The following SCHIP1 variants were observed in gnomAD, a reference collection of about 807,000 sequenced individuals.
SCHIP1 encodes schwannomin-interacting protein 1.
Under a neutral mutation model 29.7 loss-of-function variants are expected in SCHIP1, and 8 were observed. The observed-to-expected ratio is 0.27, with a 90% CI of 0.16 to 0.49. The LOEUF (loss-of-function observed/expected upper bound fraction) is 0.49, where lower values mean the gene tolerates loss of function less well. Among genes scored for constraint, SCHIP1 ranks in the 20% least tolerant of loss-of-function variants. The probability of loss-of-function intolerance (pLI) is 0.99; values close to 1 mark genes in which losing one functional copy is unlikely to be tolerated. For synonymous variants in SCHIP1, 76 were observed against 94.9 expected (o/e 0.80, Z 1.16); for missense variants, 193 against 294.6 (o/e 0.66, Z 2.52).
the SCHIP1 span, among the ~76,000 whole-genome samples, chr3:159,349,826 G>A: frequency 6.6e-6 from 1 of 152,286 alleles, no homozygotes; most frequent in South Asian, 2.1e-4. Context: ...AAAGATGATA[G>A]TCAAAATTCC....
At chr3:159,302,534 T>C in the SCHIP1 span, among the ~76,000 whole-genome samples, 1 of 152,228 alleles carries the variant, frequency 6.6e-6, no homozygotes, top group Non-Finnish European at 1.5e-5. Context: ...GGGTATGTTA[T>C]CTGTCCAAAA....
the SCHIP1 span, among the ~76,000 whole-genome samples, chr3:159,462,127 T>C: frequency 6.6e-6 from 1 of 151,978 alleles, no homozygotes; most frequent in Non-Finnish European, 1.5e-5. Flanking sequence ...GGAAAATCAC[T>C]TGAATCCAGG....
the SCHIP1 span, among the ~76,000 whole-genome samples, chr3:159,822,371 T>TA: frequency 6.6e-6 from 1 of 151,944 alleles, no homozygotes; most frequent in Non-Finnish European, 1.5e-5. Flanking sequence ...GTATAAGGCC[T>TA]AGTGCAATGG....
At chr3:159,737,367 C>A in the SCHIP1 span, among the ~76,000 whole-genome samples, 37 of 152,274 alleles carry the variant, frequency 2.4e-4, no homozygotes, top group Non-Finnish European at 1.0e-4. Flanking sequence ...TAGGTCTCGA[C>A]TGGGGCCGGA....
the SCHIP1 span, among the ~76,000 whole-genome samples, chr3:159,667,659 G>A: frequency 6.6e-6 from 1 of 152,120 alleles, no homozygotes; most frequent in Non-Finnish European, 1.5e-5. Flanking sequence ...CAAGAAGTAG[G>A]CACAAAGCCA....
the SCHIP1 span, chr3:159,765,164 C>T: frequency 2.6e-6 from 4 of 1,539,200 alleles, no homozygotes; most frequent in South Asian, 1.2e-5. Context: ...TGCGTGCCCA[C>T]GCGCGCACAC....
the SCHIP1 span, among the ~76,000 whole-genome samples, chr3:159,323,436 G>A: frequency 6.6e-6 from 1 of 152,106 alleles, no homozygotes; most frequent in Non-Finnish European, 1.5e-5. Context: ...TTTAGAATTT[G>A]TGGGTTTTTT....
chr3:159,597,187 T>C, the SCHIP1 span, among the ~76,000 whole-genome samples: 12 of 152,214 alleles, frequency 7.9e-5, no homozygotes, highest in African/African-American at 2.9e-4. Flanking sequence ...TTGTAAAATA[T>C]GAAATATGGA....
At chr3:159,776,471 A>C in the SCHIP1 span, among the ~76,000 whole-genome samples, 2 of 151,856 alleles carry the variant, frequency 1.3e-5, no homozygotes, top group African/African-American at 4.8e-5. Flanking sequence ...TTCGGCAAGG[A>C]GTAAGAGAGT....
the SCHIP1 span, among the ~76,000 whole-genome samples, chr3:159,424,836 G>A: frequency 3.4e-3 from 517 of 152,278 alleles, no homozygotes; most frequent in African/African-American, 0.012. Context: ...GACTAACAGC[G>A]GATCTCTCGG....
At chr3:159,274,503 T>C in the SCHIP1 span, 1 of 728,718 alleles carries the variant, frequency 1.4e-6, no homozygotes, top group African/African-American at 1.9e-5. Context: ...CTTTTAGCAT[T>C]ATTGAAAATA....
the SCHIP1 span, among the ~76,000 whole-genome samples, chr3:159,488,210 T>C: frequency 0.017 from 2,608 of 151,020 alleles, 32 homozygotes; most frequent in Non-Finnish European, 0.025. Flanking sequence ...GGGGCAGGAG[T>C]GGGGATGGTT....
At chr3:159,276,241 A>G in the SCHIP1 span, among the ~76,000 whole-genome samples, 1 of 152,234 alleles carries the variant, frequency 6.6e-6, no homozygotes, top group Non-Finnish European at 1.5e-5. Context: ...CAGTCCCAAC[A>G]GGAGAAGTTC....
chr3:159,298,721 G>A, the SCHIP1 span, among the ~76,000 whole-genome samples: 3 of 152,286 alleles, frequency 2.0e-5, no homozygotes, highest in African/African-American at 7.2e-5. Context: ...GAAGAACAAT[G>A]TAGAAGTGTT....
At chr3:159,439,505 T>C in the SCHIP1 span, among the ~76,000 whole-genome samples, 1 of 152,152 alleles carries the variant, frequency 6.6e-6, no homozygotes, top group Non-Finnish European at 1.5e-5. Context: ...CCAGATGGTC[T>C]CTTCCTTGAC....
chr3:159,358,181 G>A, the SCHIP1 span, among the ~76,000 whole-genome samples: 3 of 152,208 alleles, frequency 2.0e-5, no homozygotes, highest in Non-Finnish European at 2.9e-5. Flanking sequence ...GGTAAGAAGG[G>A]TAGGGAAGGC....
chr3:159,535,565 A>G, the SCHIP1 span, among the ~76,000 whole-genome samples: 8 of 152,102 alleles, frequency 5.3e-5, no homozygotes, highest in African/African-American at 1.7e-4. Flanking sequence ...CCTGCCTTGT[A>G]TTACCAACAC....
At chr3:159,442,930 G>A in the SCHIP1 span, among the ~76,000 whole-genome samples, 1 of 152,246 alleles carries the variant, frequency 6.6e-6, no homozygotes, top group South Asian at 2.1e-4. Context: ...TTATCCCAAG[G>A]CTTATGATTT....
chr3:159,880,510 G>C (rs562004167), intron 2 of SCHIP1, among the ~76,000 whole-genome samples: 2 of 152,156 alleles, frequency 1.3e-5, no homozygotes, highest in African/African-American at 4.8e-5. Context: ...AGAAGACCTA[G>C]TTTTTATTTG....
Sources: allele counts gnomAD v4.1 joint callset (sites outside exome capture counted in the v4.1 genomes callset), GRCh38; gene constraint gnomAD v4.1.1; transcripts MANE v1.5; gene names NCBI Gene and HGNC (gene_info 2026-07-23, HGNC 2026-07-21).